The following FBXO36 variants were observed in gnomAD, a reference collection of about 807,000 sequenced individuals.
The protein encoded by FBXO36 is F-box only protein 36.
FBXO36 carries 18 observed loss-of-function variants against 17.0 expected under a neutral mutation model. That is an observed-to-expected ratio of 1.06 (90% CI 0.73 to 1.57). The LOEUF (loss-of-function observed/expected upper bound fraction) is 1.57, where lower values mean the gene tolerates loss of function less well. FBXO36 is among the 40% of genes most tolerant of loss of function. FBXO36 has a pLI of 0.00. For synonymous variants in FBXO36, 83 were observed against 85.3 expected, an observed-to-expected ratio of 0.97 and a Z score of 0.15; for missense variants, 229 against 221.9, an observed-to-expected ratio of 1.03 and a Z score of -0.20.
At chr2:229,950,830 C>T (rs1180716066) in intron 1 of FBXO36, among the ~76,000 whole-genome samples, 1 of 149,708 alleles carries the variant, frequency 6.7e-6, no homozygotes, top group Non-Finnish European at 1.5e-5. Flanking sequence ...GATCTTGGCT[C>T]ACTGCAACCA....
At chr2:230,001,291 C>A (rs2077357289) in intron 3 of FBXO36, among the ~76,000 whole-genome samples, 1 of 150,256 alleles carries the variant, frequency 6.7e-6, no homozygotes, top group South Asian at 2.1e-4. Flanking sequence ...TTTCTTTTTT[C>A]TTTTTTTTTC....
At chr2:230,000,314 C>T (rs2077351200) in intron 3 of FBXO36, among the ~76,000 whole-genome samples, 1 of 133,984 alleles carries the variant, frequency 7.5e-6, no homozygotes, top group African/African-American at 2.9e-5. Context: ...GCCAAGATCA[C>T]ACCACTGCAC....
chr2:229,963,912 C>A (rs949400304), intron 1 of FBXO36, among the ~76,000 whole-genome samples: 2 of 152,186 alleles, frequency 1.3e-5, no homozygotes, highest in African/African-American at 4.8e-5. Context: ...CAGATCCTTA[C>A]AAATGGAGTG....
rs141252633 is a variant in FBXO36 at position 229,945,320 on chromosome 2, T to C, written c.96+22711T>C. 3.2e-4 allele frequency among the ~76,000 whole-genome samples: 49 copies of C among 152,274 alleles called. 1 individual carries two copies. Among genetic ancestry groups the C allele is most frequent in the African/African-American group, 1.2e-3 (48 of 41,560 alleles). ...TTTTTTTGTTTGTTTGTTTGTTCTT[T>C]GTTTTAGCTGGAATCTGCCTCTGTC... On this transcript the variant is annotated intron_variant, in intron 1 of 3. Coordinates refer to ENST00000283946, the MANE Select transcript of FBXO36 (RefSeq NM_174899.5).
At chr2:229,962,056 G>A (rs1039534386) in intron 1 of FBXO36, among the ~76,000 whole-genome samples, 16 of 151,942 alleles carry the variant, frequency 1.1e-4, no homozygotes, top group Admixed American at 2.6e-4. Flanking sequence ...AGTGGCATGC[G>A]CCTGTAATCC....
intron 1 of FBXO36, among the ~76,000 whole-genome samples, chr2:229,938,215 T>A (rs1482080389): frequency 5.6e-5 from 7 of 124,798 alleles, no homozygotes; most frequent in South Asian, 2.7e-4. Context: ...GATACAACTT[T>A]CTTTTTTTTT....
intron 1 of FBXO36, among the ~76,000 whole-genome samples, chr2:229,955,860 A>G (rs890331426): frequency 6.6e-6 from 1 of 152,224 alleles, no homozygotes; most frequent in African/African-American, 2.4e-5. Context: ...CATGTTTAAC[A>G]GGTTTAACAG....
intron 3 of FBXO36, among the ~76,000 whole-genome samples, chr2:230,008,617 T>C (rs1201238338): frequency 6.6e-6 from 1 of 152,196 alleles, no homozygotes; most frequent in Admixed American, 6.5e-5. Context: ...TCCCCCCAAA[T>C]CTTGTAGTTT....
At chr2:229,934,441 T>A (rs2076954363) in intron 1 of FBXO36, among the ~76,000 whole-genome samples, 1 of 152,110 alleles carries the variant, frequency 6.6e-6, no homozygotes, top group South Asian at 2.1e-4. Context: ...CTATTTTGCA[T>A]CATGAATCTC....
At chr2:229,984,781 T>TA (rs1362212182) in intron 2 of FBXO36, among the ~76,000 whole-genome samples, 1 of 152,184 alleles carries the variant, frequency 6.6e-6, no homozygotes, top group Admixed American at 6.6e-5. Flanking sequence ...TGCAAGGATG[T>TA]ATGGTATTCT....
rs149474352 is a variant in FBXO36, at chr2:229,930,708, G to A, written c.96+8099G>A. Among the ~76,000 whole-genome samples the A allele has an allele frequency of 2.4e-3, 362 of 152,196 alleles. 1 individual carries two copies. The highest frequency in any genetic ancestry group is 8.0e-3 in the African/African-American group (334 of 41,510). On this transcript the variant is annotated intron_variant, in intron 1 of 3. Coordinates refer to ENST00000283946, the MANE Select transcript of FBXO36 (RefSeq NM_174899.5). Reference sequence around the variant, plus strand: ...AACAGTTGCAGTGAACCACGATTGCGCCACTGCACTCAAGCCTGGGCGACA... The same window carrying A: ...AACAGTTGCAGTGAACCACGATTGCACCACTGCACTCAAGCCTGGGCGACA...
At chr2:229,993,185 G>C (rs1186812115) in intron 2 of FBXO36, among the ~76,000 whole-genome samples, 5 of 152,148 alleles carry the variant, frequency 3.3e-5, no homozygotes, top group Non-Finnish European at 7.4e-5. Context: ...CTGCAAAGCT[G>C]TTCTTTGTGG....
chr2:229,983,198 AAACCC>A (rs2077249978), intron 2 of FBXO36, among the ~76,000 whole-genome samples: 1 of 152,020 alleles, frequency 6.6e-6, no homozygotes, highest in Non-Finnish European at 1.5e-5. Context: ...CAACATGGAG[AAACCC>A]CGTCTCTACT....
chr2:229,955,322 T>C (rs1420496551), intron 1 of FBXO36, among the ~76,000 whole-genome samples: 1 of 152,082 alleles, frequency 6.6e-6, no homozygotes, highest in African/African-American at 2.4e-5. Context: ...GTGGGCAGAT[T>C]GTTTGAGCCT....
intron 1 of FBXO36, among the ~76,000 whole-genome samples, chr2:229,931,818 G>C (rs1172336767): frequency 6.6e-6 from 1 of 152,012 alleles, no homozygotes; most frequent in African/African-American, 2.4e-5. Flanking sequence ...TGGCCTGGGC[G>C]ACAGAGTGAG....
chr2:229,967,861 G>A (rs1435839221), intron 1 of FBXO36, among the ~76,000 whole-genome samples: 1 of 152,096 alleles, frequency 6.6e-6, no homozygotes, highest in Non-Finnish European at 1.5e-5. Flanking sequence ...GTCTCTGCCC[G>A]GCTTTGGTAT....
At position 229,946,021 on chromosome 2, in the gene FBXO36, TA is replaced by T. The variant is rs879810897; in HGVS notation, c.96+23427del. Among the ~76,000 whole-genome samples, 1,062 of 124,936 alleles carry T rather than the reference TA, an allele frequency of 8.5e-3. 1 individual carries two copies. The highest frequency in any genetic ancestry group is 0.01 in the Non-Finnish European group (587 of 58,148). 82.0% of individuals were successfully genotyped at this position (124,936 alleles called of 152,430 possible). ...TGGGTAACGAGAGCGAAACTCCATC[TA>T]AAAAAAAAAAAAAAGACAAAACTGG... On this transcript the variant is annotated intron_variant, in intron 1 of 3. Transcript: ENST00000283946.
intron 1 of FBXO36, among the ~76,000 whole-genome samples, chr2:229,959,572 G>A (rs779220706): frequency 3.9e-5 from 6 of 152,242 alleles, no homozygotes; most frequent in South Asian, 4.1e-4. Flanking sequence ...TAGGCTGGGC[G>A]CGGTGGCTCA....
At chr2:229,927,696 CT>C (rs1167800008) in intron 1 of FBXO36, among the ~76,000 whole-genome samples, 1 of 149,180 alleles carries the variant, frequency 6.7e-6, no homozygotes, top group Non-Finnish European at 1.5e-5. Context: ...TGTTTTATCT[CT>C]TTTTCTAAAT....
Sources: gnomAD v4.1 joint callset for allele counts (sites outside exome capture counted in the v4.1 genomes callset) on GRCh38, gnomAD v4.1.1 for gene constraint, MANE v1.5 for transcripts, NCBI Gene and HGNC (gene_info 2026-07-23, HGNC 2026-07-21) for gene names.